Variants in FGF12 observed in about 807,000 individuals in gnomAD.
FGF12 encodes fibroblast growth factor 12, also known as fibroblast growth factor 12B.
In FGF12, 14 loss-of-function variants were observed where a neutral mutation model predicts 23.6. That is an observed-to-expected ratio of 0.59 (90% CI 0.39 to 0.93). The LOEUF is 0.93. Among genes scored for constraint, FGF12 ranks in the 40% least tolerant of loss-of-function variants. The pLI, the probability that FGF12 is intolerant of heterozygous loss-of-function variation, is 0.00. For synonymous variants in FGF12, 62 were observed against 77.3 expected, an observed-to-expected ratio of 0.80 and a Z score of 1.04; for missense variants, 175 against 217.8, an observed-to-expected ratio of 0.80 and a Z score of 1.24.
chr3:192,158,336 T>TTC (rs1293198647), intron 5 of FGF12, among the ~76,000 whole-genome samples: 15 of 55,592 alleles, frequency 2.7e-4, no homozygotes, highest in Non-Finnish European at 6.3e-4. Context: ...TTCTTTCTCT[T>TTC]TCTTTCTTTC....
At chr3:192,458,928 C>T (rs1448464879) in intron 2 of FGF12, among the ~76,000 whole-genome samples, 1 of 152,164 alleles carries the variant, frequency 6.6e-6, no homozygotes, top group Non-Finnish European at 1.5e-5. Context: ...TTCTCCTATG[C>T]TGTTCTTGCA....
chr3:192,549,310 G>A (rs1427904355), intron 2 of FGF12, among the ~76,000 whole-genome samples: 1 of 152,124 alleles, frequency 6.6e-6, no homozygotes, highest in African/African-American at 2.4e-5. Context: ...AATAATTAAT[G>A]TAACTTAGTA....
intron 2 of FGF12, among the ~76,000 whole-genome samples, chr3:192,455,338 G>A (rs1029674492): frequency 3.3e-5 from 5 of 152,186 alleles, no homozygotes; most frequent in African/African-American, 1.2e-4. Flanking sequence ...ATGACAAGAA[G>A]ATTGAAACTC....
At chr3:192,437,694 AAAC>A (rs1722070288) in intron 2 of FGF12, among the ~76,000 whole-genome samples, 2 of 150,484 alleles carry the variant, frequency 1.3e-5, no homozygotes, top group South Asian at 2.1e-4. Flanking sequence ...CCATCTCAAA[AAAC>A]AACAACAACA....
intron 2 of FGF12, among the ~76,000 whole-genome samples, chr3:192,474,473 A>G (rs1723261323): frequency 6.6e-6 from 1 of 152,236 alleles, no homozygotes; most frequent in South Asian, 2.1e-4. Flanking sequence ...ATAGGAACAT[A>G]ATCTAGGATG....
At chr3:192,561,435 C>T (rs779541544) in intron 2 of FGF12, among the ~76,000 whole-genome samples, 22 of 151,904 alleles carry the variant, frequency 1.4e-4, no homozygotes, top group Non-Finnish European at 2.1e-4. Context: ...CAATCTCAGC[C>T]CACTGTAACC....
intron 4 of FGF12, among the ~76,000 whole-genome samples, chr3:192,172,398 CA>C (rs879929900): frequency 6.7e-6 from 1 of 148,206 alleles, no homozygotes; most frequent in Non-Finnish European, 1.5e-5. Context: ...ACCCCCCCTT[CA>C]AAAAAAAGTC....
Position 192,422,501 on chromosome 3 carries a change from G to A in FGF12, c.14-61963C>T, listed in dbSNP as rs527443116. Among the ~76,000 whole-genome samples the A allele has an allele frequency of 2.6e-5, 4 of 152,266 alleles. No individual in the cohort carries two copies. In the South Asian group the frequency reaches 8.3e-4, roughly 32 times the overall value. ...CCTTCTTTCCCCAGGCCATTGGCTA[G>A]ATTCCCTCAGTCCCCAGAAGAACTA... On this transcript the variant is annotated intron_variant, in intron 2 of 5. Transcript: ENST00000445105.
At chr3:192,373,286 A>ATTTT (rs10662970) in intron 2 of FGF12, among the ~76,000 whole-genome samples, 1 of 141,552 alleles carries the variant, frequency 7.1e-6, no homozygotes, top group Non-Finnish European at 1.6e-5. Flanking sequence ...GGAAGCAAAC[A>ATTTT]TTTTTTTTTT....
At chr3:192,596,867 C>A (rs1410065493) in intron 2 of FGF12, among the ~76,000 whole-genome samples, 1 of 152,126 alleles carries the variant, frequency 6.6e-6, no homozygotes, top group African/African-American at 2.4e-5. Flanking sequence ...AGCAAGGAGG[C>A]TGCTAAACTT....
intron 2 of FGF12, among the ~76,000 whole-genome samples, chr3:192,412,218 A>T (rs1427050055): frequency 1.3e-5 from 2 of 152,170 alleles, no homozygotes; most frequent in Non-Finnish European, 2.9e-5. Context: ...CGCCCCCTAT[A>T]AAAGGCCTGG....
chr3:192,654,642 G>A (rs1422319836), intron 2 of FGF12, among the ~76,000 whole-genome samples: 1 of 152,200 alleles, frequency 6.6e-6, no homozygotes, highest in African/African-American at 2.4e-5. Flanking sequence ...TACAGTGATT[G>A]AGGAAAAGTG....
At chr3:192,457,806 G>C (rs751931075) in intron 2 of FGF12, among the ~76,000 whole-genome samples, 1 of 152,176 alleles carries the variant, frequency 6.6e-6, no homozygotes, top group Non-Finnish European at 1.5e-5. Flanking sequence ...CAAGACCATG[G>C]GGAAAATGTC....
intron 2 of FGF12, among the ~76,000 whole-genome samples, chr3:192,703,950 T>C (rs1454739635): frequency 6.6e-6 from 1 of 152,180 alleles, no homozygotes; most frequent in Non-Finnish European, 1.5e-5. Flanking sequence ...AGCAATCCTC[T>C]TGTCTTTGCC....
intron 2 of FGF12, among the ~76,000 whole-genome samples, chr3:192,524,581 A>C (rs1292501454): frequency 6.6e-6 from 1 of 152,222 alleles, no homozygotes; most frequent in Non-Finnish European, 1.5e-5. Context: ...TGGAGAATGA[A>C]TATTTCAGCC....
chr3:192,385,841 C>T (rs75228337), intron 2 of FGF12, among the ~76,000 whole-genome samples: 1,824 of 152,282 alleles, frequency 0.012, 27 homozygotes, highest in African/African-American at 0.042. Flanking sequence ...GAGTGTGGTA[C>T]AGAATAGGGA....
intron 4 of FGF12, among the ~76,000 whole-genome samples, chr3:192,313,629 A>G (rs964265259): frequency 6.6e-5 from 10 of 152,220 alleles, no homozygotes; most frequent in African/African-American, 2.2e-4. Context: ...ATTAGAGGTA[A>G]TCTCTCTTCC....
At chr3:192,721,493 A>C (rs1231681284) in intron 2 of FGF12, among the ~76,000 whole-genome samples, 1 of 152,214 alleles carries the variant, frequency 6.6e-6, no homozygotes, top group African/African-American at 2.4e-5. Context: ...AAAAGTACAA[A>C]GTGTTTCACG....
At chr3:192,237,011 C>A (rs1361431701) in intron 4 of FGF12, among the ~76,000 whole-genome samples, 2 of 152,080 alleles carry the variant, frequency 1.3e-5, no homozygotes, top group African/African-American at 2.4e-5. Context: ...TTAAGAATCT[C>A]TTATAAGGCA....
Sources: allele counts gnomAD v4.1 joint callset (sites outside exome capture counted in the v4.1 genomes callset), GRCh38; gene constraint gnomAD v4.1.1; transcripts MANE v1.5; gene names NCBI Gene and HGNC (gene_info 2026-07-23, HGNC 2026-07-21).